The following WDR72 variants were observed in gnomAD, a reference collection of about 807,000 sequenced individuals.
WDR72 encodes WD repeat domain 72.
Under a neutral mutation model 124.2 loss-of-function variants are expected in WDR72, and 120 were observed. The observed-to-expected ratio is 0.97, with a 90% CI of 0.83 to 1.12. The LOEUF (loss-of-function observed/expected upper bound fraction) is 1.12. WDR72 is among the 50% of genes most tolerant of loss of function. The pLI is 0.00. For synonymous variants in WDR72, 452 were observed against 441.7 expected (o/e 1.02, Z -0.29); for missense variants, 1,387 against 1,278.8 (o/e 1.08, Z -1.29).
intron 18 of WDR72, among the ~76,000 whole-genome samples, chr15:53,545,265 C>T (rs916908953): frequency 2.2e-4 from 33 of 151,592 alleles, no homozygotes; most frequent in African/African-American, 8.0e-4. Flanking sequence ...TCAAACTATA[C>T]TACAAGGCTA....
chr15:53,747,906 G>T (rs943560621), intron 1 of WDR72, among the ~76,000 whole-genome samples: 3 of 151,862 alleles, frequency 2.0e-5, no homozygotes, highest in East Asian at 1.9e-4. Flanking sequence ...CTTGTCTAAA[G>T]CTCAAAGTTC....
At chr15:53,688,718 A>C (rs1317565880) in intron 13 of WDR72, among the ~76,000 whole-genome samples, 1 of 152,118 alleles carries the variant, frequency 6.6e-6, no homozygotes, top group Non-Finnish European at 1.5e-5. Context: ...AAACTACTTT[A>C]AAGTTCATAT....
chr15:53,552,267 A>G (rs1893762052), intron 18 of WDR72, among the ~76,000 whole-genome samples: 1 of 152,116 alleles, frequency 6.6e-6, no homozygotes, highest in African/African-American at 2.4e-5. Context: ...TTAACTGTTT[A>G]GTGTATTAAT....
chr15:53,686,589 T>C (rs2016635146), intron 13 of WDR72, among the ~76,000 whole-genome samples: 2 of 151,446 alleles, frequency 1.3e-5, no homozygotes, highest in South Asian at 4.2e-4. Context: ...CAAAGAGACT[T>C]AGACTCCCAC....
intron 18 of WDR72, among the ~76,000 whole-genome samples, chr15:53,538,274 G>A (rs1466104951): frequency 6.6e-6 from 1 of 152,082 alleles, no homozygotes; most frequent in Non-Finnish European, 1.5e-5. Flanking sequence ...CATTTTAAAT[G>A]AGCAACTATA....
intron 14 of WDR72, among the ~76,000 whole-genome samples, chr15:53,660,845 A>T (rs2015584999): frequency 6.6e-6 from 1 of 152,120 alleles, no homozygotes; most frequent in African/African-American, 2.4e-5. Context: ...GCTCTTTTGG[A>T]TTACATTCCA....
At chr15:53,656,264 A>T (rs938660090) in intron 14 of WDR72, among the ~76,000 whole-genome samples, 3 of 151,376 alleles carry the variant, frequency 2.0e-5, no homozygotes, top group African/African-American at 7.3e-5. Context: ...AAAAATTACA[A>T]ATAAATAAAC....
At chr15:53,541,602 G>T (rs1481383920) in intron 18 of WDR72, among the ~76,000 whole-genome samples, 1 of 151,796 alleles carries the variant, frequency 6.6e-6, no homozygotes, top group African/African-American at 2.4e-5. Context: ...TCCTCCAAAG[G>T]AACGCAGTTC....
chr15:53,572,280 CAAACA>C (rs1192993123), intron 18 of WDR72, among the ~76,000 whole-genome samples: 1 of 152,054 alleles, frequency 6.6e-6, no homozygotes, highest in Non-Finnish European at 1.5e-5. Context: ...TATTAACAAA[CAAACA>C]AAACACTGTC....
At chr15:53,536,630 T>C (rs924173201) in intron 18 of WDR72, among the ~76,000 whole-genome samples, 1 of 152,160 alleles carries the variant, frequency 6.6e-6, no homozygotes, top group Admixed American at 6.5e-5. Flanking sequence ...GTCACTGTTC[T>C]CCAGCTGACG....
chr15:53,737,415 C>T (rs1393753527), intron 1 of WDR72, among the ~76,000 whole-genome samples: 2 of 152,142 alleles, frequency 1.3e-5, no homozygotes, highest in Admixed American at 6.6e-5. Context: ...CCTACTATAT[C>T]TTACTTACAA....
intron 1 of WDR72, 135 bp downstream of exon 1, chr15:53,759,498 C>G (rs999406118): frequency 7.9e-5 from 12 of 152,314 alleles, no homozygotes; most frequent in African/African-American, 2.7e-4. Flanking sequence ...CCAGCTGTAT[C>G]CAAGCGCGGG....
chr15:53,684,805 G>A (rs2016550578), intron 13 of WDR72, among the ~76,000 whole-genome samples: 1 of 151,520 alleles, frequency 6.6e-6, no homozygotes, highest in South Asian at 2.1e-4. Context: ...AGACTTAAAT[G>A]TCCCTGTCTG....
intron 18 of WDR72, among the ~76,000 whole-genome samples, chr15:53,547,025 G>A (rs1028906421): frequency 5.3e-5 from 8 of 152,162 alleles, no homozygotes; most frequent in Non-Finnish European, 1.0e-4. Flanking sequence ...TAATAAAATA[G>A]GATTGCTGGA....
chr15:53,677,511 G>C (rs913889153), intron 13 of WDR72, among the ~76,000 whole-genome samples: 52 of 152,140 alleles, frequency 3.4e-4, no homozygotes, highest in African/African-American at 1.2e-3. Context: ...TGTGTCTTGG[G>C]AGGGACCCCG....
intron 14 of WDR72, among the ~76,000 whole-genome samples, chr15:53,620,381 T>C (rs1012774726): frequency 2.0e-5 from 3 of 151,888 alleles, no homozygotes; most frequent in East Asian, 3.8e-4. Flanking sequence ...TTTCTTAAAA[T>C]ATTTTGATCA....
chr15:53,645,134 T>C (rs2014996788), intron 14 of WDR72, among the ~76,000 whole-genome samples: 1 of 152,164 alleles, frequency 6.6e-6, no homozygotes, highest in Non-Finnish European at 1.5e-5. Context: ...TCTAACTATA[T>C]ATCAGCCCTG....
chr15:53,610,742 A>T (rs540278252), intron 16 of WDR72, among the ~76,000 whole-genome samples: 55 of 152,232 alleles, frequency 3.6e-4, no homozygotes, highest in Middle Eastern at 6.8e-3. Flanking sequence ...ATGTAAAATG[A>T]CCAAGAACAC....
At chr15:53,554,368 C>T (rs1893848907) in intron 18 of WDR72, among the ~76,000 whole-genome samples, 1 of 151,962 alleles carries the variant, frequency 6.6e-6, no homozygotes, top group Non-Finnish European at 1.5e-5. Flanking sequence ...TAGAGAAACC[C>T]TCACCATATA....
Sources: allele counts gnomAD v4.1 joint callset (sites outside exome capture counted in the v4.1 genomes callset), GRCh38; gene constraint gnomAD v4.1.1; transcripts MANE v1.5; gene names NCBI Gene and HGNC (gene_info 2026-07-23, HGNC 2026-07-21).